Variants in NRK observed in about 807,000 individuals in gnomAD.
NRK encodes Nik related kinase.
NRK carries 67 observed loss-of-function variants against 125.2 expected under a neutral mutation model. That is an observed-to-expected ratio of 0.54 (90% CI 0.44 to 0.66). The LOEUF is 0.66. Among genes scored for constraint, NRK ranks in the 30% least tolerant of loss-of-function variants. The pLI, the probability that NRK is intolerant of heterozygous loss-of-function variation, is 0.00. For synonymous variants in NRK, 458 were observed against 429.0 expected (o/e 1.07, Z -0.84); for missense variants, 1,224 against 1,192.9 (o/e 1.03, Z -0.38).
chrX:105,947,605 G>A (rs898905215), intron 26 of NRK, among the ~76,000 whole-genome samples: 25 of 111,599 alleles, frequency 2.2e-4, no homozygotes, highest in Non-Finnish European at 4.3e-4. Flanking sequence ...CAAATTTGAT[G>A]TTGGCAATGA....
intron 5 of NRK, among the ~76,000 whole-genome samples, chrX:105,889,866 T>C (rs1382198986): frequency 8.9e-6 from 1 of 112,127 alleles, no homozygotes; most frequent in African/African-American, 3.2e-5. Flanking sequence ...CTCCTAGGCC[T>C]CTGGGCCTGT....
At chrX:105,869,543 A>G (rs2039715833) in intron 2 of NRK, among the ~76,000 whole-genome samples, 1 of 111,144 alleles carries the variant, frequency 9.0e-6, no homozygotes. Flanking sequence ...AGTGCTTCTA[A>G]AGTGCCTTTG....
chrX:105,909,195 G>T lies in NRK; in HGVS notation c.1554G>T (p.Glu518Asp), dbSNP rs1569308410. The T allele has an allele frequency of 2.5e-6, 3 of 1,210,215 alleles. No homozygotes were observed. In the East Asian group the frequency reaches 8.9e-5, roughly 36 times the overall value. Reference protein sequence around the residue: ...SEPQDLDQVPEEFQGQDQVPE... With the variant: ...SEPQDLDQVPDEFQGQDQVPE... Reference sequence around the variant, plus strand: ...CACAAGATTTGGACCAGGTACCAGAGGAATTTCAGGGTCAAGATCAGGTAC... The same window carrying T: ...CACAAGATTTGGACCAGGTACCAGATGAATTTCAGGGTCAAGATCAGGTAC... The change falls in exon 13 of 29, where the codon GAG (glutamate) becomes GAT (aspartate). Residue 518 changes from glutamate (E) to aspartate (D), a missense_variant. By Grantham distance (45) the Glu-to-Asp change is conservative. Transcript: ENST00000243300.
chrX:105,860,963 G>A (rs2039594324), intron 2 of NRK, among the ~76,000 whole-genome samples: 1 of 110,743 alleles, frequency 9.0e-6, no homozygotes, highest in South Asian at 4.0e-4. Context: ...GTGTGGGGAT[G>A]GATCTTTTCA....
chrX:105,890,472 TC>T (rs748948031), intron 5 of NRK, among the ~76,000 whole-genome samples: 1 of 112,239 alleles, frequency 8.9e-6, no homozygotes, highest in African/African-American at 3.2e-5. Context: ...ATTGTATTAG[TC>T]TGTTCTCACG....
chrX:105,847,618 A>G (rs367701081), intron 2 of NRK, among the ~76,000 whole-genome samples: 3 of 112,446 alleles, frequency 2.7e-5, no homozygotes, highest in Non-Finnish European at 5.6e-5. Context: ...AAAAAGCTAG[A>G]CAGTTGAAGC....
At chrX:105,916,078 A>G (rs764857495) in intron 15 of NRK, among the ~76,000 whole-genome samples, 2 of 111,153 alleles carry the variant, frequency 1.8e-5, no homozygotes, top group African/African-American at 6.5e-5. Flanking sequence ...ATACTTTGAC[A>G]GTATTCAATT....
At chrX:105,890,018 TTTCTA>T (rs2039997323) in intron 5 of NRK, among the ~76,000 whole-genome samples, 1 of 112,048 alleles carries the variant, frequency 8.9e-6, no homozygotes, top group Non-Finnish European at 1.9e-5. Flanking sequence ...GGGTTTTTCT[TTTCTA>T]TTGCATAATC....
chrX:105,889,540 C>T (rs868100375), intron 5 of NRK, among the ~76,000 whole-genome samples: 1 of 112,371 alleles, frequency 8.9e-6, no homozygotes, highest in Non-Finnish European at 1.9e-5. Context: ...CCCTTCTACA[C>T]TGCCCTAACA....
intron 23 of NRK, among the ~76,000 whole-genome samples, chrX:105,941,529 G>C (rs2040739901): frequency 9.6e-6 from 1 of 103,871 alleles, no homozygotes; most frequent in Non-Finnish European, 2.0e-5. Context: ...AAATGCAAGA[G>C]TAAGCTAGAC....
intron 2 of NRK, among the ~76,000 whole-genome samples, chrX:105,877,449 T>C (rs186544129): frequency 9.0e-6 from 1 of 111,506 alleles, no homozygotes; most frequent in African/African-American, 3.2e-5. Flanking sequence ...ATTTTGACAA[T>C]TGTAGCATGG....
At chrX:105,937,878 T>G (rs905765575) in intron 22 of NRK, among the ~76,000 whole-genome samples, 2 of 111,781 alleles carry the variant, frequency 1.8e-5, no homozygotes, top group Non-Finnish European at 3.8e-5. Context: ...TTTTCATCCA[T>G]TCATGCACAG....
chrX:105,844,013 G>GTC (rs1387914241), intron 2 of NRK, among the ~76,000 whole-genome samples: 1 of 86,429 alleles, frequency 1.2e-5, no homozygotes, highest in African/African-American at 6.0e-5. Flanking sequence ...GTGTGTGTGT[G>GTC]TGTGTCTGTG....
chrX:105,955,462 TG>T (rs750948929), intron 28 of NRK, 42 bp from the exon 29 acceptor site: 1 of 726,639 alleles, frequency 1.4e-6, no homozygotes, highest in African/African-American at 2.1e-5. Context: ...CTGGTTGCAA[TG>T]TATTAAATAT....
chrX:105,953,244 C>G lies in NRK; in HGVS notation c.4653+71C>G, dbSNP rs745852345. On this transcript the variant is annotated intron_variant, in intron 28 of 28. Transcript: ENST00000243300. ...GAAAATGAACCAACAAAAGAAATTT[C>G]TGTCCTTTTCCTTCTGGCTATAAAT... is the stretch of plus-strand genomic sequence containing the variant. 9.3e-5 allele frequency: 77 copies of G among 824,984 alleles called. 1 individual carries two copies. The African/African-American group carries it at 1.6e-3, about 17-fold the overall frequency. 68.0% of individuals were successfully genotyped at this position (824,984 alleles called of 1,213,427 possible).
At chrX:105,921,771 T>C (rs1415160707) in intron 16 of NRK, among the ~76,000 whole-genome samples, 193 bp from the exon 17 acceptor site, 1 of 108,058 alleles carries the variant, frequency 9.3e-6, no homozygotes, top group East Asian at 2.9e-4. Flanking sequence ...GAACCCCTGC[T>C]AATACCCCTG....
At chrX:105,830,913 G>A (rs2039182309) in intron 1 of NRK, 141 bp from the exon 2 acceptor site, 2 of 408,485 alleles carry the variant, frequency 4.9e-6, no homozygotes, top group Admixed American at 4.4e-5. Context: ...CACCAACATG[G>A]CACATGTATA....
chrX:105,911,195 A>G (rs1171310349), intron 13 of NRK, among the ~76,000 whole-genome samples: 4 of 112,294 alleles, frequency 3.6e-5, no homozygotes, highest in Non-Finnish European at 5.6e-5. Flanking sequence ...CATTTTATCT[A>G]AGAACAGTCA....
intron 23 of NRK, among the ~76,000 whole-genome samples, chrX:105,940,927 T>C (rs2147789030): frequency 8.9e-6 from 1 of 111,819 alleles, no homozygotes; most frequent in South Asian, 3.8e-4. Context: ...TCAGGGTAGG[T>C]TTTTGTATGT....
Sources: allele counts gnomAD v4.1 joint callset (sites outside exome capture counted in the v4.1 genomes callset), GRCh38; gene constraint gnomAD v4.1.1; transcripts MANE v1.5; gene names NCBI Gene and HGNC (gene_info 2026-07-23, HGNC 2026-07-21).